SLC26A7: variants seen among roughly 807,000 people sequenced by gnomAD.
SLC26A7 encodes the protein solute carrier family 26 member 7.
In SLC26A7, 59 loss-of-function variants were observed where a neutral mutation model predicts 82.5. That is an observed-to-expected ratio of 0.72 (90% CI 0.58 to 0.89). The LOEUF (loss-of-function observed/expected upper bound fraction) is 0.89, where lower values mean the gene tolerates loss of function less well. Among genes scored for constraint, SLC26A7 ranks in the 40% least tolerant of loss-of-function variants. SLC26A7 has a pLI of 0.00. For missense variants in SLC26A7, 820 were observed against 793.0 expected, an observed-to-expected ratio of 1.03 and a Z score of -0.41; for synonymous variants, 271 against 274.3, an observed-to-expected ratio of 0.99 and a Z score of 0.12.
At chr8:91,321,848 C>G (rs1278974495) in intron 5 of SLC26A7, among the ~76,000 whole-genome samples, 1 of 152,026 alleles carries the variant, frequency 6.6e-6, no homozygotes, top group Non-Finnish European at 1.5e-5. Flanking sequence ...ACTTTTAGCT[C>G]TTGTTAGTTA....
rs35781790 is a variant in SLC26A7 at position 91,366,682 on chromosome 8, A to G, written c.1591A>G (p.Asn531Asp). Residue 531 changes from asparagine (N) to aspartate (D), a missense_variant, in exon 14 of 19, where the codon AAT becomes GAT. Physicochemically the swap from Asn to Asp is conservative, Grantham distance 23. Coordinates refer to ENST00000276609, the MANE Select transcript of SLC26A7 (RefSeq NM_052832.4). ...TDLMNMIQKE[N>D]ACNQPLDDIS... ...TTTAATGAACATGATCCAAAAGGAA[A>G]ATGCCTGTAATCAGCCACTTGATGA... 708 of 1,613,176 alleles carry G rather than the reference A, an allele frequency of 4.4e-4. 5 individuals carry two copies. In the Middle Eastern group the frequency reaches 6.3e-3, roughly 14 times the overall value.
chr8:91,376,141 C>A (rs1489495868), intron 15 of SLC26A7, among the ~76,000 whole-genome samples: 1 of 152,112 alleles, frequency 6.6e-6, no homozygotes, highest in East Asian at 1.9e-4. Context: ...TTTCTGGTTT[C>A]TTTGTGCAGG....
intron 12 of SLC26A7, 76 bp from the exon 13 acceptor site, chr8:91,363,396 C>G: frequency 1.2e-6 from 1 of 826,438 alleles, no homozygotes; most frequent in South Asian, 1.6e-5. Flanking sequence ...TATTAAATGA[C>G]TACTTTTGGT....
At chr8:91,343,562 C>G in intron 9 of SLC26A7, 96 bp downstream of exon 9, 1 of 746,258 alleles carries the variant, frequency 1.3e-6, no homozygotes, top group African/African-American at 1.8e-5. Flanking sequence ...AGCCCTGAAA[C>G]TATTTTCACT....
intron 5 of SLC26A7, among the ~76,000 whole-genome samples, chr8:91,324,429 A>T (rs1249885096): frequency 6.6e-6 from 1 of 152,138 alleles, no homozygotes; most frequent in Non-Finnish European, 1.5e-5. Context: ...GGCAATCATG[A>T]CTCATGTTTA....
At chr8:91,379,538 A>C (rs1054254028) in intron 15 of SLC26A7, among the ~76,000 whole-genome samples, 3 of 152,038 alleles carry the variant, frequency 2.0e-5, no homozygotes, top group Non-Finnish European at 4.4e-5. Context: ...ATTTATGACA[A>C]AAATGGCACT....
At chr8:91,289,670 T>C (rs932193301) in intron 3 of SLC26A7, among the ~76,000 whole-genome samples, 1 of 149,476 alleles carries the variant, frequency 6.7e-6, no homozygotes, top group African/African-American at 2.4e-5. Context: ...GGAAGGGAAA[T>C]GTTCTGAATT....
chr8:91,255,190 T>C (rs34213542), intron 2 of SLC26A7, among the ~76,000 whole-genome samples: 8,363 of 152,158 alleles, frequency 0.055, 270 homozygotes, highest in African/African-American at 0.068. Flanking sequence ...ACTTTTTTTT[T>C]CCCAAACCAT....
At chr8:91,289,690 A>G (rs1036449182) in intron 3 of SLC26A7, among the ~76,000 whole-genome samples, 1 of 152,198 alleles carries the variant, frequency 6.6e-6, no homozygotes, top group Admixed American at 6.5e-5. Flanking sequence ...TTACAATGAA[A>G]TGAGAGAAAG....
chr8:91,358,093 TA>T (rs1343381647), intron 11 of SLC26A7, among the ~76,000 whole-genome samples: 1 of 152,116 alleles, frequency 6.6e-6, no homozygotes, highest in African/African-American at 2.4e-5. Flanking sequence ...TGGCGATCAT[TA>T]AAAAGTCAGG....
At position 91,327,419 on chromosome 8, in the gene SLC26A7, A is replaced by T. The variant is rs141736338; in HGVS notation, c.643-6876A>T. Among the ~76,000 whole-genome samples, 225 of 152,320 alleles carry T rather than the reference A, an allele frequency of 1.5e-3. 2 individuals are homozygous for T. Among genetic ancestry groups the T allele is most frequent in the African/African-American group, 5.1e-3 (210 of 41,576 alleles). ...AACATAGGACTTTACAGTAGATACAATGAGTAAAATAGTTTATTCGGTGGT... is the reference window on the plus strand; with the variant it reads ...AACATAGGACTTTACAGTAGATACATTGAGTAAAATAGTTTATTCGGTGGT... On this transcript the variant is annotated intron_variant, in intron 5 of 18. Coordinates refer to ENST00000276609, the MANE Select transcript of SLC26A7 (RefSeq NM_052832.4).
chr8:91,237,135 G>A (rs994538423), intron 2 of SLC26A7, among the ~76,000 whole-genome samples: 1 of 152,186 alleles, frequency 6.6e-6, no homozygotes, highest in African/African-American at 2.4e-5. Context: ...CCTGAACTCT[G>A]TTATAGTATT....
At chr8:91,241,510 A>T (rs990911929) in intron 2 of SLC26A7, among the ~76,000 whole-genome samples, 23 of 152,200 alleles carry the variant, frequency 1.5e-4, no homozygotes, top group Admixed American at 8.5e-4. Flanking sequence ...CTGAATTCTT[A>T]TCAAAGTGTG....
intron 2 of SLC26A7, among the ~76,000 whole-genome samples, chr8:91,227,778 C>G (rs868197435): frequency 6.6e-6 from 1 of 152,062 alleles, no homozygotes; most frequent in Admixed American, 6.6e-5. Flanking sequence ...TTTAATGAAG[C>G]TGGACTTAAT....
rs1216249329 is a variant in SLC26A7 at position 91,295,574 on chromosome 8, A to G, written c.348A>G (p.Glu116=). ...LTSLISANAV[E]RIVPQNMQNL... is the part of the protein sequence containing the mutation. The stretch of plus-strand genomic sequence containing the variant: ...CCTTAATATCAGCCAACGCCGTGGA[A>G]CGGATTGTCCCTCAGAACATGCAGA... The change falls in exon 4 of 19, where the codon GAA becomes GAG. Residue 116 remains glutamate, a synonymous_variant. Coordinates refer to ENST00000276609, the MANE Select transcript of SLC26A7 (RefSeq NM_052832.4). 1 of 1,613,820 alleles carries G rather than the reference A, an allele frequency of 6.2e-7. No homozygotes were observed. The highest frequency in any genetic ancestry group is 1.3e-5 in the African/African-American group (1 of 74,912).
chr8:91,299,460 A>G (rs1812103607), intron 4 of SLC26A7, among the ~76,000 whole-genome samples: 1 of 150,382 alleles, frequency 6.6e-6, no homozygotes, highest in East Asian at 2.0e-4. Context: ...ATAATTGTGG[A>G]GTTTATGCTT....
rs1007989829 is a variant in SLC26A7, at chr8:91,275,036, C to T, written c.194-14100C>T. On this transcript the variant is annotated intron_variant, in intron 2 of 18. Coordinates refer to ENST00000276609, the MANE Select transcript of SLC26A7 (RefSeq NM_052832.4). Reference sequence around the variant, plus strand: ...TCTGCAGGTACTCTATGCATAAATGCGCATATATTCCGTCTCTCTTCCACT... The same window carrying T: ...TCTGCAGGTACTCTATGCATAAATGTGCATATATTCCGTCTCTCTTCCACT... Among the ~76,000 whole-genome samples, 4 of 152,030 alleles carry T rather than the reference C, an allele frequency of 2.6e-5. No homozygotes were observed. The South Asian group carries it at 6.2e-4, about 24-fold the overall frequency.
chr8:91,259,009 C>T (rs1250008748), intron 2 of SLC26A7, among the ~76,000 whole-genome samples: 1 of 152,082 alleles, frequency 6.6e-6, no homozygotes. Flanking sequence ...TCCTTGGCCT[C>T]TCTCACTTTC....
At chr8:91,383,531 T>C (rs1814719344) in intron 15 of SLC26A7, among the ~76,000 whole-genome samples, 1 of 152,168 alleles carries the variant, frequency 6.6e-6, no homozygotes, top group Non-Finnish European at 1.5e-5. Flanking sequence ...AAGGAAAAGA[T>C]TTGTAGTTGA....
Sources: allele counts gnomAD v4.1 joint callset (sites outside exome capture counted in the v4.1 genomes callset), GRCh38; gene constraint gnomAD v4.1.1; transcripts MANE v1.5; gene names NCBI Gene and HGNC (gene_info 2026-07-23, HGNC 2026-07-21).